The following NFRKB variants were observed in gnomAD, a reference collection of about 807,000 sequenced individuals.
The protein encoded by NFRKB is nuclear factor related to kappa-B-binding protein.
In NFRKB, 62 loss-of-function variants were observed where a neutral mutation model predicts 135.7. The observed-to-expected ratio is 0.46, with a 90% confidence interval of 0.37 to 0.56. The LOEUF is 0.56. NFRKB is among the 20% of genes least tolerant of loss of function. The pLI, the probability that NFRKB is intolerant of heterozygous loss-of-function variation, is 0.00. For missense variants in NFRKB, 1,545 were observed against 1,662.0 expected, an observed-to-expected ratio of 0.93 and a Z score of 1.22; for synonymous variants, 678 against 635.6, an observed-to-expected ratio of 1.07 and a Z score of -1.00.
At position 129,884,126 on chromosome 11, in the gene NFRKB, C is replaced by T. The variant is rs764708677; in HGVS notation, c.760G>A (p.Asp254Asn). The change falls in exon 8 of 27, where the codon GAC (aspartate) becomes AAC (asparagine). Residue 254 changes from aspartate (D) to asparagine (N), a missense_variant. By Grantham distance (23) the Asp-to-Asn change is conservative. This residue lies in a region of NFRKB where 678 missense variants were observed against 646.7 expected (regional missense o/e 1.05). Coordinates refer to ENST00000682444, the MANE Select transcript of NFRKB (RefSeq NM_001143835.2). Reference sequence around the variant, plus strand: ...TTTAACATTATCTTCAGGTCACTGTCCCCCAGTTCTACTTTATCTGAGAAA... The same window carrying T: ...TTTAACATTATCTTCAGGTCACTGTTCCCCAGTTCTACTTTATCTGAGAAA... ...MKTADKVELG[D>N]SDLKIMLKKH... 6.2e-7 allele frequency: 1 copy of T among 1,614,192 alleles called. No individual in the cohort carries two copies. Among genetic ancestry groups the T allele is most frequent in the East Asian group, 2.2e-5 (1 of 44,892 alleles).
chr11:129,885,011 G>C lies in NFRKB; in HGVS notation c.641-165C>G. ...CCCAGAGGAGCTGGAGCACACTTAG[G>C]TCATCTAACGGCTCTTCCAGGAAGA... On this transcript the variant is annotated intron_variant, in intron 6 of 26. Coordinates refer to ENST00000682444, the MANE Select transcript of NFRKB (RefSeq NM_001143835.2). 3 of 950,744 alleles carry C rather than the reference G, an allele frequency of 3.2e-6. No homozygotes were observed. In the South Asian group the frequency reaches 4.9e-5, roughly 16 times the overall value. The allele number at this position is 950,744 out of a possible 1,614,324, so 58.9% of individuals were successfully genotyped here.
chr11:129,884,075 G>A lies in NFRKB; in HGVS notation c.811C>T (p.Gln271Ter). ...GCACGCCCTTCCCATCTTACTGGCT[G>A]ATGTTTCCGCTTCTCGTGGTGCTTC... ...LKKHHEKRKH[Q>*]PDHPDLLTGD... Residue 271 changes from glutamine to a stop codon, truncating the protein, a stop_gained, in exon 8 of 27, where the codon CAG becomes TAG. Coordinates refer to ENST00000682444, the MANE Select transcript of NFRKB (RefSeq NM_001143835.2). LOFTEE classifies it high-confidence loss of function. 6.2e-7 allele frequency: 1 copy of A among 1,614,194 alleles called. No homozygotes were observed.
In NFRKB at chr11:129,875,375, T is replaced by C; in HGVS notation, c.1836A>G (p.Pro612=). 2 of 1,613,092 alleles carry C rather than the reference T, an allele frequency of 1.2e-6. No individual in the cohort carries two copies. Among genetic ancestry groups the C allele is most frequent in the South Asian group, 1.1e-5 (1 of 90,568 alleles). ...GTCCTACCTGAGTGCTGGTGACATC[T>C]GGTGCAAGAAACTGGGAGTCCTTAA... ...ELLKDSQFLA[P]DVTSTQVNTV... is the part of the protein sequence containing the mutation. The change falls in exon 18 of 27, where the codon CCA becomes CCG. Residue 612 remains proline, a synonymous_variant. Coordinates refer to ENST00000682444, the MANE Select transcript of NFRKB (RefSeq NM_001143835.2).
rs1949378306 is a variant in NFRKB at position 129,888,350 on chromosome 11, T to C, written c.337+244A>G. The C allele has an allele frequency of 9.2e-6, 6 of 653,216 alleles. No individual in the cohort carries two copies. In the East Asian group the frequency reaches 1.1e-4, roughly 12 times the overall value. 40.5% of individuals were successfully genotyped at this position (653,216 alleles called of 1,614,324 possible). The stretch of plus-strand genomic sequence containing the variant: ...GAAATGTTTTATTTTTTTATGTAGA[T>C]GCTGGTTACAAGCTGATGCTGGTTA... On this transcript the variant is annotated intron_variant, in intron 4 of 26. Transcript: ENST00000682444.
chr11:129,868,223 C>T (rs898447078), intron 24 of NFRKB, among the ~76,000 whole-genome samples: 6 of 152,062 alleles, frequency 3.9e-5, no homozygotes, highest in Non-Finnish European at 5.9e-5. Flanking sequence ...CCACAGATTC[C>T]GTATCTTCTG....
chr11:129,889,469 A>C (rs1949435433), intron 3 of NFRKB, among the ~76,000 whole-genome samples: 1 of 151,986 alleles, frequency 6.6e-6, no homozygotes, highest in African/African-American at 2.4e-5. Flanking sequence ...AGGTTAACAT[A>C]GAAGGAATGA....
In NFRKB at chr11:129,877,369, C is replaced by T; in HGVS notation, c.1528G>A (p.Val510Met). 1.2e-6 allele frequency: 2 copies of T among 1,614,212 alleles called. No homozygotes were observed. Among genetic ancestry groups the T allele is most frequent in the Non-Finnish European group, 1.7e-6 (2 of 1,180,032 alleles). ...TTCTCCTCCCCCGTGCTGGGACGCA[C>T]CACATAGTCAGTTCTTCTGGAATAT... ...PVPRVRTDYV[V>M]RPSTGEEKRV... Residue 510 changes from valine (V) to methionine (M), a missense_variant, in exon 16 of 27, where the codon GTG becomes ATG. By Grantham distance (21) the Val-to-Met change is conservative (BLOSUM62 1). Coordinates refer to ENST00000682444, the MANE Select transcript of NFRKB (RefSeq NM_001143835.2).
Position 129,869,926 on chromosome 11 carries a change from T to C in NFRKB, c.3099A>G (p.Ser1033=), listed in dbSNP as rs1049443365. Residue 1033 remains serine (S), a synonymous_variant, in exon 24 of 27, where the codon TCA becomes TCG. Transcript: ENST00000682444. ...CCACAGTGGTACCTGTTGGAGTGGA[T>C]GAAGGGGCACTGGCTGAACTGGCCT... The part of the protein sequence containing the change: ...PAKASSASAP[S]STPTGTTVVK... 14 of 1,614,234 alleles carry C rather than the reference T, an allele frequency of 8.7e-6. No homozygotes were observed. Among genetic ancestry groups the C allele is most frequent in the Non-Finnish European group, 1.1e-5 (13 of 1,180,042 alleles).
Position 129,874,841 on chromosome 11 carries a change from G to C in NFRKB, c.1930C>G (p.Arg644Gly). The change falls in exon 19 of 27, where the codon CGA becomes GGA. Residue 644 changes from arginine (R) to glycine (G), a missense_variant. Coordinates refer to ENST00000682444, the MANE Select transcript of NFRKB (RefSeq NM_001143835.2). The surrounding 1 kb of genome is among the most constrained non-coding windows in gnomAD (Gnocchi z 4.5). ...KDPCVKYDIGRKLWIYLHRDR... is the reference protein window; with the variant it reads ...KDPCVKYDIGGKLWIYLHRDR... ...CGATGCAGGTAGATCCACAGCTTTCGTCCAATGTCGTATTTCACACAGGGA... is the reference window on the plus strand; with the variant it reads ...CGATGCAGGTAGATCCACAGCTTTCCTCCAATGTCGTATTTCACACAGGGA... The C allele has an allele frequency of 6.2e-7, 1 of 1,614,134 alleles. No individual in the cohort carries two copies. The highest frequency in any genetic ancestry group is 8.5e-7 in the Non-Finnish European group (1 of 1,180,024).
At chr11:129,868,749 C>T (rs1199913358) in intron 24 of NFRKB, among the ~76,000 whole-genome samples, 1 of 152,148 alleles carries the variant, frequency 6.6e-6, no homozygotes. Flanking sequence ...AATAAAGCGG[C>T]CGTGGGCGGT....
At position 129,886,403 on chromosome 11, in the gene NFRKB, A is replaced by C. The variant is rs748265941; in HGVS notation, c.379T>G (p.Cys127Gly). 1.2e-6 allele frequency: 2 copies of C among 1,614,122 alleles called. No individual in the cohort carries two copies. Among genetic ancestry groups the C allele is most frequent in the Admixed American group, 1.7e-5 (1 of 60,024 alleles). ...NPEVVKYRQL[C>G]FKSQYKRYLN... The stretch of plus-strand genomic sequence containing the variant: ...TAGCGCTTGTACTGTGACTTGAAGC[A>C]TAACTGCCGGTACTTGACCACCTCG... The change falls in exon 5 of 27, where the codon TGC becomes GGC. Residue 127 changes from cysteine (C) to glycine (G), a missense_variant. Cys to Gly is a radical substitution (Grantham distance 159). Around this residue, in one of 3 missense-constraint regions of NFRKB, gnomAD observed 678 missense variants for 646.7 expected, o/e 1.05. Transcript: ENST00000682444.
intron 24 of NFRKB, 52 bp from the exon 25 acceptor site, chr11:129,866,035 G>GC (rs1948176605): frequency 6.8e-7 from 1 of 1,467,412 alleles, no homozygotes. Context: ...AGGAAAACCA[G>GC]CAAGTGTCAC....
At chr11:129,875,652 CTTTTTTT>C (rs761583169) in intron 17 of NFRKB, among the ~76,000 whole-genome samples, 189 bp from the exon 18 acceptor site, 5 of 101,810 alleles carry the variant, frequency 4.9e-5, no homozygotes, top group East Asian at 5.3e-4. Flanking sequence ...CTATACACTT[CTTTTTTT>C]TTTTTTTTTT....
rs780129758 is a variant in NFRKB at position 129,892,802 on chromosome 11, C to T, written c.48G>A (p.Pro16=). 1.5e-5 allele frequency: 25 copies of T among 1,614,068 alleles called. No individual in the cohort carries two copies. The highest frequency in any genetic ancestry group is 1.6e-4 in the Middle Eastern group (1 of 6,080). The change falls in exon 3 of 27, where the codon CCG becomes CCA. Residue 16 remains proline (P), a synonymous_variant. Coordinates refer to ENST00000682444, the MANE Select transcript of NFRKB (RefSeq NM_001143835.2). ...TGCGCGTGCCATGGCCATCTCCACA[C>T]GGACCAAGTTCCAGAGGATCTGTCA... ...HMLTDPLELG[P]CGDGHGTRIM... is the part of the protein sequence containing the mutation.
rs772753751 is a variant in NFRKB, at chr11:129,892,844, A to G, written c.6T>C (p.Asp2=). Residue 2 remains aspartate (D), a synonymous_variant, in exon 3 of 27, where the codon GAT becomes GAC. Transcript: ENST00000682444. The part of the protein sequence containing the change: M[D]SLDHMLTDPL... The stretch of plus-strand genomic sequence containing the variant: ...GATCTGTCAGCATATGGTCTAAGGA[A>G]TCCATTGTTTCTTCTCCACAGGTAC... The G allele has an allele frequency of 2.0e-5, 33 of 1,614,068 alleles. No individual in the cohort carries two copies. Among genetic ancestry groups the G allele is most frequent in the Non-Finnish European group, 2.5e-5 (29 of 1,180,034 alleles).
chr11:129,879,547 T>A (rs1388037853), intron 13 of NFRKB, among the ~76,000 whole-genome samples: 1 of 152,202 alleles, frequency 6.6e-6, no homozygotes, highest in East Asian at 1.9e-4. Flanking sequence ...TTTATCTTAC[T>A]GAATCTTTTA....
chr11:129,873,667 G>C (rs1948623890), intron 22 of NFRKB, 78 bp downstream of exon 22: 12 of 1,556,312 alleles, frequency 7.7e-6, no homozygotes, highest in African/African-American at 5.4e-5. Context: ...TCCTTACCCA[G>C]ACACTGCCCA....
chr11:129,873,402 C>T (rs1470653446), intron 22 of NFRKB, among the ~76,000 whole-genome samples: 1 of 152,204 alleles, frequency 6.6e-6, no homozygotes, highest in Admixed American at 6.5e-5. Flanking sequence ...TAAACTCACA[C>T]AACTAGTTCA....
chr11:129,886,939 T>C (rs1949307245), intron 4 of NFRKB, among the ~76,000 whole-genome samples: 1 of 152,318 alleles, frequency 6.6e-6, no homozygotes, highest in South Asian at 2.1e-4. Flanking sequence ...TAGAGGGGAA[T>C]TCCTTTTTAC....
Sources: allele counts gnomAD v4.1 joint callset (sites outside exome capture counted in the v4.1 genomes callset), GRCh38; gene constraint gnomAD v4.1.1; regional missense constraint gnomAD v4.1.1; non-coding constraint Gnocchi (gnomAD v3.1); transcripts MANE v1.5; gene names NCBI Gene and HGNC (gene_info 2026-07-23, HGNC 2026-07-21).